The following CHST6 variants were observed in gnomAD, a reference collection of about 807,000 sequenced individuals.
CHST6 encodes N-acetylglucosamine 6-O-sulfotransferase 5.
For synonymous variants in CHST6, 309 were observed against 276.4 expected (o/e 1.12, Z -1.17); for missense variants, 698 against 586.2 (o/e 1.19, Z -1.97).
At chr16:75,482,285 A>G (rs913406495) in intron 1 of CHST6, among the ~76,000 whole-genome samples, 20 of 152,332 alleles carry the variant, frequency 1.3e-4, no homozygotes, top group Admixed American at 7.2e-4. Context: ...ATGGAGGTTC[A>G]TGCTGGTAAT....
chr16:75,479,210 C>G lies in CHST6; in HGVS notation c.619G>C (p.Val207Leu), dbSNP rs762397644. The G allele has an allele frequency of 1.2e-6, 2 of 1,609,502 alleles. No homozygotes were observed. Among genetic ancestry groups the G allele is most frequent in the African/African-American group, 2.7e-5 (2 of 74,894 alleles). ...IVHLVRDPRA[V>L]LRSREQTAKA... ...GCTGTCTGCTCCCGGGAGCGCAGCACGGCCCGCGGGTCGCGCACCAGGTGC... is the reference window on the plus strand; with the variant it reads ...GCTGTCTGCTCCCGGGAGCGCAGCAGGGCCCGCGGGTCGCGCACCAGGTGC... The change falls in exon 3 of 3, where the codon GTG (valine) becomes CTG (leucine). Residue 207 changes from valine to leucine, a missense_variant. Transcript: ENST00000332272.
chr16:75,482,852 C>A (rs2080157379), intron 1 of CHST6, among the ~76,000 whole-genome samples: 1 of 152,106 alleles, frequency 6.6e-6, no homozygotes, highest in Admixed American at 6.5e-5. Flanking sequence ...GTGGAGGATG[C>A]CCAGCAGCTC....
intron 1 of CHST6, among the ~76,000 whole-genome samples, chr16:75,490,262 T>G (rs2080241316): frequency 6.7e-6 from 1 of 149,602 alleles, no homozygotes; most frequent in Admixed American, 6.7e-5. Context: ...GTGGATCACC[T>G]GAGGTCGGGA....
At chr16:75,482,882 A>G (rs574535446) in intron 1 of CHST6, among the ~76,000 whole-genome samples, 2 of 152,260 alleles carry the variant, frequency 1.3e-5, no homozygotes, top group South Asian at 4.1e-4. Context: ...CCGACTCCAG[A>G]TCCCACAGCC....
At position 75,478,775 on chromosome 16, in the gene CHST6, C is replaced by A. The variant is rs767693809; in HGVS notation, c.1054G>T (p.Ala352Ser). 9 of 1,613,476 alleles carry A rather than the reference C, an allele frequency of 5.6e-6. No homozygotes were observed. Among genetic ancestry groups the A allele is most frequent in the Non-Finnish European group, 7.6e-6 (9 of 1,180,000 alleles). The stretch of plus-strand genomic sequence containing the variant: ...GGCCGGTAGCCCAGCAGCTGCAGCG[C>A]ACCAGCGCACAGTTCCTGCACGCGG... ...IRRVQELCAG[A>S]LQLLGYRPVY... Residue 352 changes from alanine to serine, a missense_variant, in exon 3 of 3, where the codon GCG (alanine) becomes TCG (serine). Ala to Ser is a moderately conservative substitution (Grantham distance 99). Coordinates refer to ENST00000332272, the MANE Select transcript of CHST6 (RefSeq NM_021615.5).
Position 75,474,483 on chromosome 16 carries a change from C to T in CHST6, c.*4158G>A. The T allele has an allele frequency of 2.5e-6, 1 of 396,756 alleles. No individual in the cohort carries two copies. Among genetic ancestry groups the T allele is most frequent in the East Asian group, 3.6e-5 (1 of 27,986 alleles). 24.6% of individuals were successfully genotyped at this position (396,756 alleles called of 1,614,324 possible). On this transcript the variant is annotated 3_prime_UTR_variant, in exon 3 of 3. Coordinates refer to ENST00000332272, the MANE Select transcript of CHST6 (RefSeq NM_021615.5). ...TAGAGATGGGGTCTCACTATGTTGC[C>T]CAGGCTGGTCTTGAGTGCCTGGTCT...
intron 1 of CHST6, among the ~76,000 whole-genome samples, chr16:75,491,218 T>TAAAC (rs2080253823): frequency 4.1e-5 from 4 of 97,674 alleles, no homozygotes; most frequent in Non-Finnish European, 7.8e-5. Context: ...TATATATATA[T>TAAAC]AAAATATAAT....
chr16:75,481,699 A>G, intron 2 of CHST6, 118 bp downstream of exon 2: 1 of 384,458 alleles, frequency 2.6e-6, no homozygotes, highest in Non-Finnish European at 5.4e-6. Context: ...CTCCAGAGGG[A>G]GGATGTCCTG....
chr16:75,481,759 G>T, intron 2 of CHST6, 58 bp downstream of exon 2: 1 of 469,392 alleles, frequency 2.1e-6, no homozygotes. Context: ...CTGGGATGGA[G>T]CCAGAGAAGC....
intron 1 of CHST6, among the ~76,000 whole-genome samples, chr16:75,485,199 A>T (rs1229811702): frequency 6.6e-6 from 1 of 152,224 alleles, no homozygotes; most frequent in Non-Finnish European, 1.5e-5. Flanking sequence ...ACCCAGGAGG[A>T]GCACCCTAAG....
rs1429181616 is a variant in CHST6 at position 75,475,463 on chromosome 16, C to G, written c.*3178G>C. ...TAACAGTGGTCAATGCAGTCACCCC[C>G]ACAGCAACCCAGAGCTCTGTGCCCT... On this transcript the variant is annotated 3_prime_UTR_variant, in exon 3 of 3. Coordinates refer to ENST00000332272, the MANE Select transcript of CHST6 (RefSeq NM_021615.5). The G allele has an allele frequency of 1.3e-5, 2 of 152,418 alleles. No homozygotes were observed. The highest frequency in any genetic ancestry group is 2.9e-5 in the Non-Finnish European group (2 of 68,198). The allele number at this position is 152,418 out of a possible 1,614,324, so 9.4% of individuals were successfully genotyped here.
intron 1 of CHST6, among the ~76,000 whole-genome samples, chr16:75,487,470 G>C (rs528373002): frequency 2.0e-5 from 3 of 151,822 alleles, no homozygotes; most frequent in Non-Finnish European, 4.4e-5. Context: ...TTTGGGACAA[G>C]CCTGACCAAC....
intron 1 of CHST6, among the ~76,000 whole-genome samples, chr16:75,494,125 G>A (rs1348382679): frequency 2.0e-5 from 3 of 152,176 alleles, no homozygotes; most frequent in African/African-American, 7.2e-5. Context: ...GATTACAGGC[G>A]TGAACCACTG....
At position 75,478,290 on chromosome 16, in the gene CHST6, C is replaced by A. The variant is rs972227973; in HGVS notation, c.*351G>T. ...TCCACTCCCAGCCAGTGCCAGGGCA[C>A]CCCCTCAGCTGCTGCAGGATGTGTC... On this transcript the variant is annotated 3_prime_UTR_variant, in exon 3 of 3. Transcript: ENST00000332272. 5 of 381,164 alleles carry A rather than the reference C, an allele frequency of 1.3e-5. No homozygotes were observed. The highest frequency in any genetic ancestry group is 1.0e-4 in the African/African-American group (5 of 48,100). 23.6% of individuals were successfully genotyped at this position (381,164 alleles called of 1,614,324 possible).
chr16:75,481,660 AG>A (rs1432882981), intron 2 of CHST6, among the ~76,000 whole-genome samples, 156 bp downstream of exon 2: 1 of 152,194 alleles, frequency 6.6e-6, no homozygotes, highest in Non-Finnish European at 1.5e-5. Flanking sequence ...CATCACCGGT[AG>A]GGGGTGAAGT....
Position 75,472,070 on chromosome 16 carries a change from T to C in CHST6, c.*6571A>G, listed in dbSNP as rs1296038113. On this transcript the variant is annotated 3_prime_UTR_variant, in exon 3 of 3. Transcript: ENST00000332272. ...TGGAAGCAAGCGTGAAGACCATTTT[T>C]ATCACTGTAGCAGGACAAAGTCGTT... 1 of 152,210 alleles carries C rather than the reference T, an allele frequency of 6.6e-6. No individual in the cohort carries two copies. The highest frequency in any genetic ancestry group is 1.5e-5 in the Non-Finnish European group (1 of 68,046). The allele number at this position is 152,210 out of a possible 1,614,324, so 9.4% of individuals were successfully genotyped here. A position where few individuals can be genotyped will look rare whatever the true frequency, so the allele number is the denominator to read the frequency against.
intron 2 of CHST6, among the ~76,000 whole-genome samples, chr16:75,481,501 C>T (rs528441379): frequency 4.7e-5 from 7 of 149,940 alleles, no homozygotes; most frequent in East Asian, 2.0e-4. Flanking sequence ...TAGGCTGAGA[C>T]GTGAAAATCG....
At chr16:75,484,936 C>T (rs529399579) in intron 1 of CHST6, among the ~76,000 whole-genome samples, 3 of 152,172 alleles carry the variant, frequency 2.0e-5, no homozygotes, top group African/African-American at 7.2e-5. Flanking sequence ...AGAGGCCACA[C>T]CCCCTGGGCA....
At chr16:75,491,190 AATATATATAT>A (rs1555501738) in intron 1 of CHST6, among the ~76,000 whole-genome samples, 4 of 50,090 alleles carry the variant, frequency 8.0e-5, no homozygotes, top group African/African-American at 2.2e-4. Context: ...AAAAAAAAAA[AATATATATAT>A]ATATATATAT....
Sources: gnomAD v4.1 joint callset for allele counts (sites outside exome capture counted in the v4.1 genomes callset) on GRCh38, gnomAD v4.1.1 for gene constraint, MANE v1.5 for transcripts, NCBI Gene and HGNC (gene_info 2026-07-23, HGNC 2026-07-21) for gene names.